The following YTHDC2 variants were observed in gnomAD, a reference collection of about 807,000 sequenced individuals.
The protein encoded by YTHDC2 is 3'-5' RNA helicase YTHDC2.
In YTHDC2, 45 loss-of-function variants were observed where a neutral mutation model predicts 174.9. That is an observed-to-expected ratio of 0.26 (90% CI 0.20 to 0.33). The LOEUF (loss-of-function observed/expected upper bound fraction) is 0.33. Among genes scored for constraint, YTHDC2 ranks in the 10% least tolerant of loss-of-function variants. YTHDC2 has a pLI of 1.00. For synonymous variants in YTHDC2, 657 were observed against 574.5 expected (o/e 1.14, Z -2.05); for missense variants, 1,650 against 1,723.7 (o/e 0.96, Z 0.76).
intron 10 of YTHDC2, among the ~76,000 whole-genome samples, chr5:113,543,640 A>G (rs140441578): frequency 2.0e-5 from 3 of 151,990 alleles, no homozygotes; most frequent in Non-Finnish European, 4.4e-5. Flanking sequence ...CTTGTTCTCA[A>G]CTCTCGCAGG....
chr5:113,516,429 C>T (rs1478527943), intron 2 of YTHDC2, among the ~76,000 whole-genome samples: 1 of 152,168 alleles, frequency 6.6e-6, no homozygotes, highest in Non-Finnish European at 1.5e-5. Context: ...CTCTAAAATT[C>T]TGTGGCGCTA....
Position 113,542,517 on chromosome 5 carries a change from A to G in YTHDC2, c.1495+14A>G, listed in dbSNP as rs1193662536. The G allele has an allele frequency of 6.3e-7, 1 of 1,583,840 alleles. No individual in the cohort carries two copies. Among genetic ancestry groups the G allele is most frequent in the South Asian group, 1.2e-5 (1 of 84,572 alleles). On this transcript the variant is annotated intron_variant, in intron 10 of 29. Coordinates refer to ENST00000161863, the MANE Select transcript of YTHDC2 (RefSeq NM_022828.5). ...AAAATGTTAGTGGTAAGTTTATTTTAATTTTAAAAAATTACCCTTACAGTT... is the reference window on the plus strand; with the variant it reads ...AAAATGTTAGTGGTAAGTTTATTTTGATTTTAAAAAATTACCCTTACAGTT...
chr5:113,543,951 G>A (rs1236221489), intron 10 of YTHDC2, among the ~76,000 whole-genome samples: 1 of 151,960 alleles, frequency 6.6e-6, no homozygotes, highest in South Asian at 2.1e-4. Context: ...ATTTTCTCAC[G>A]ATATTTCCTT....
chr5:113,556,586 A>G (rs1776626648), intron 17 of YTHDC2, among the ~76,000 whole-genome samples: 1 of 152,222 alleles, frequency 6.6e-6, no homozygotes, highest in African/African-American at 2.4e-5. Context: ...AAATAAATGC[A>G]AATTAATGAG....
intron 17 of YTHDC2, 25 bp from the exon 18 acceptor site, chr5:113,561,055 C>T: frequency 6.4e-7 from 1 of 1,571,790 alleles, no homozygotes; most frequent in East Asian, 2.3e-5. Flanking sequence ...TTGTTTGAGT[C>T]CTAATCTTGT....
intron 20 of YTHDC2, among the ~76,000 whole-genome samples, chr5:113,565,408 A>G (rs1235930773): frequency 1.3e-5 from 2 of 152,192 alleles, no homozygotes; most frequent in East Asian, 1.9e-4. Context: ...AGTTATATAT[A>G]TACCAAAGCA....
chr5:113,584,282 C>T lies in YTHDC2; in HGVS notation c.3648-20C>T, dbSNP rs763777694. ...CGAACTTATATATAACTGATCTTTG[C>T]TTCCTCCTTCTTGCTCAAGAGTACT... On this transcript the variant is annotated intron_variant, in intron 25 of 29. Transcript: ENST00000161863. The T allele has an allele frequency of 3.8e-6, 6 of 1,594,366 alleles. No homozygotes were observed. The highest frequency in any genetic ancestry group is 5.1e-6 in the Non-Finnish European group (6 of 1,169,870).
intron 2 of YTHDC2, among the ~76,000 whole-genome samples, chr5:113,520,526 G>T (rs1282747591): frequency 1.3e-5 from 2 of 150,454 alleles, no homozygotes; most frequent in East Asian, 1.9e-4. Context: ...TAAATGAGAA[G>T]GAGTCAGCAT....
chr5:113,593,242 G>T, intron 28 of YTHDC2, 61 bp from the exon 29 acceptor site: 1 of 1,213,536 alleles, frequency 8.2e-7, no homozygotes, highest in Non-Finnish European at 1.2e-6. Flanking sequence ...TGTAGGTTTT[G>T]GTCATTAAAA....
chr5:113,546,171 T>C (rs569920522), intron 10 of YTHDC2, among the ~76,000 whole-genome samples: 18 of 152,348 alleles, frequency 1.2e-4, no homozygotes, highest in South Asian at 2.1e-4. Flanking sequence ...CAATCTTACT[T>C]GAAAGTTAAG....
chr5:113,523,379 G>C (rs1048420483), intron 2 of YTHDC2, among the ~76,000 whole-genome samples: 5 of 152,072 alleles, frequency 3.3e-5, no homozygotes, highest in African/African-American at 7.2e-5. Context: ...CTGGTGCTCA[G>C]TTCAGCTCAC....
At chr5:113,548,734 T>A in intron 11 of YTHDC2, 67 bp downstream of exon 11, 6 of 1,466,164 alleles carry the variant, frequency 4.1e-6, no homozygotes, top group Non-Finnish European at 5.4e-6. Flanking sequence ...TTTTGTTTTC[T>A]TATGTTTGTC....
intron 10 of YTHDC2, among the ~76,000 whole-genome samples, chr5:113,542,751 A>T (rs755683358): frequency 1.3e-5 from 2 of 152,236 alleles, no homozygotes; most frequent in Non-Finnish European, 2.9e-5. Context: ...GTGTGATTAC[A>T]TGACAATTAT....
chr5:113,567,441 A>T (rs1238659162), intron 22 of YTHDC2, 144 bp downstream of exon 22: 3 of 447,196 alleles, frequency 6.7e-6, no homozygotes, highest in South Asian at 8.4e-5. Context: ...TAAATATTGG[A>T]ACAAAACTTA....
chr5:113,536,625 C>G (rs1191647804), intron 7 of YTHDC2, among the ~76,000 whole-genome samples: 3 of 152,148 alleles, frequency 2.0e-5, no homozygotes, highest in Non-Finnish European at 2.9e-5. Flanking sequence ...TATCCTTGTT[C>G]CATGTCCTAC....
At chr5:113,577,584 G>GGT (rs1301138118) in intron 23 of YTHDC2, among the ~76,000 whole-genome samples, 3 of 152,036 alleles carry the variant, frequency 2.0e-5, no homozygotes, top group African/African-American at 7.2e-5. Flanking sequence ...TGCCCAGGCT[G>GGT]GTCTCAAACT....
At position 113,575,569 on chromosome 5, in the gene YTHDC2, A is replaced by G. The variant is rs78795129; in HGVS notation, c.3245-4017A>G. ...AGGTAGAGAAAGAGGGAAAGCACCA[A>G]GATTCTGTGCTAGGAAATTATCTAG... On this transcript the variant is annotated intron_variant, in intron 23 of 29. Transcript: ENST00000161863. Among the ~76,000 whole-genome samples the G allele has an allele frequency of 2.2e-3, 337 of 152,328 alleles. 7 individuals are homozygous for G. The highest frequency in any genetic ancestry group is 0.017 in the Admixed American group (267 of 15,298).
intron 18 of YTHDC2, among the ~76,000 whole-genome samples, chr5:113,561,494 A>G (rs545298440): frequency 6.9e-6 from 1 of 144,116 alleles, no homozygotes; most frequent in South Asian, 2.2e-4. Flanking sequence ...TTTGAGTCAG[A>G]GTCTTGCTTT....
rs1381269761 is a variant in YTHDC2, at chr5:113,535,810, T to G, written c.1102+12T>G. ...TCCAGTGATATATAGTAAGTTAAAT[T>G]GTCAGATTTCTTCTATAATTTTTAT... is the stretch of plus-strand genomic sequence containing the variant. On this transcript the variant is annotated intron_variant, in intron 7 of 29. Transcript: ENST00000161863. The G allele has an allele frequency of 6.4e-7, 1 of 1,553,646 alleles. No homozygotes were observed. Among genetic ancestry groups the G allele is most frequent in the Admixed American group, 2.0e-5 (1 of 50,586 alleles).
Sources: allele counts gnomAD v4.1 joint callset (sites outside exome capture counted in the v4.1 genomes callset), GRCh38; gene constraint gnomAD v4.1.1; transcripts MANE v1.5; gene names NCBI Gene and HGNC (gene_info 2026-07-23, HGNC 2026-07-21).